PIK3C2A: variants seen among roughly 807,000 people sequenced by gnomAD.
The protein encoded by PIK3C2A is phosphatidylinositol 4-phosphate 3-kinase C2 domain-containing subunit alpha.
A neutral mutation model predicts 204.5 loss-of-function variants in PIK3C2A; 97 were observed. The ratio of observed to expected loss-of-function variants is 0.47; its 90% CI spans 0.40 to 0.56. The LOEUF is 0.56. PIK3C2A is among the 20% of genes least tolerant of loss of function. The pLI is 0.00. For missense variants in PIK3C2A, 1,735 were observed against 1,969.2 expected (o/e 0.88, Z 2.25); for synonymous variants, 653 against 664.4 (o/e 0.98, Z 0.26).
chr11:17,120,125 T>C, intron 15 of PIK3C2A, 151 bp from the exon 16 acceptor site: 1 of 494,018 alleles, frequency 2.0e-6, no homozygotes. Context: ...AAATGCAATG[T>C]ATGGCAAATG....
intron 22 of PIK3C2A, among the ~76,000 whole-genome samples, chr11:17,109,033 C>G (rs752908577): frequency 2.0e-5 from 3 of 152,194 alleles, no homozygotes; most frequent in Non-Finnish European, 4.4e-5. Context: ...AAATCTATAG[C>G]TATCAGAGCT....
intron 2 of PIK3C2A, among the ~76,000 whole-genome samples, chr11:17,163,300 CCT>C (rs1850843172): frequency 1.3e-5 from 2 of 152,104 alleles, no homozygotes; most frequent in Middle Eastern, 3.4e-3. Flanking sequence ...AGAGCGAGAC[CCT>C]GTTTCAAAAA....
chr11:17,170,802 G>C (rs1851130617), intron 1 of PIK3C2A, among the ~76,000 whole-genome samples: 1 of 152,024 alleles, frequency 6.6e-6, no homozygotes. Context: ...CATCACCTTA[G>C]TTTAAGAAGG....
rs61733866 is a variant in PIK3C2A, at chr11:17,136,573, C to T, written c.1757G>A (p.Ser586Asn). 9.7e-3 allele frequency: 15,440 copies of T among 1,595,576 alleles called. 117 individuals are homozygous for T. Among genetic ancestry groups the T allele is most frequent in the Middle Eastern group, 0.021 (125 of 6,010 alleles). Reference protein sequence around the residue: ...QVIKAVRKICSALDGVETLAI... With the variant: ...QVIKAVRKICNALDGVETLAI... ...AAGAGTCTCGACACCATCTAAAGCA[C>T]TACAGATTTTTCTTACAGCTTTAAT... Residue 586 changes from serine (S) to asparagine (N), a missense_variant, in exon 9 of 33, where the codon AGT (serine) becomes AAT (asparagine). This residue lies in a region of PIK3C2A where 106 missense variants were observed against 108.2 expected (regional missense o/e 0.98). Transcript: ENST00000691414.
chr11:17,196,044 A>G (rs1174357942), intron 1 of PIK3C2A, among the ~76,000 whole-genome samples: 4 of 152,160 alleles, frequency 2.6e-5, no homozygotes, highest in Non-Finnish European at 5.9e-5. Flanking sequence ...ATCTCGAAAG[A>G]AAAAAAGAAA....
intron 19 of PIK3C2A, 111 bp downstream of exon 19, chr11:17,117,380 T>TAG (rs1555019709): frequency 1.5e-6 from 1 of 646,360 alleles, no homozygotes; most frequent in Non-Finnish European, 2.7e-6. Context: ...TGGGTATAGT[T>TAG]AGAGTTCTAC....
chr11:17,132,182 C>T, intron 11 of PIK3C2A, 144 bp from the exon 12 acceptor site: 3 of 550,636 alleles, frequency 5.4e-6, no homozygotes, highest in Non-Finnish European at 9.3e-6. Context: ...AGAAGTCCAT[C>T]TGAAATTTAA....
In PIK3C2A at chr11:17,097,141, T is replaced by C. The variant is rs746460891; in HGVS notation, c.4242A>G (p.Lys1414=). The part of the protein sequence containing the change: ...NDEPILSFSP[K]TYSFRQDGRI... ...GACCATCTTGTCTAAAGGAGTATGTTTTAGGTGAAAATGAAAGGATGGGCT... is the reference window on the plus strand; with the variant it reads ...GACCATCTTGTCTAAAGGAGTATGTCTTAGGTGAAAATGAAAGGATGGGCT... Residue 1414 remains lysine, a synonymous_variant, in exon 27 of 33, where the codon AAA becomes AAG. Coordinates refer to ENST00000691414, the MANE Select transcript of PIK3C2A (RefSeq NM_002645.4). 1 of 1,611,240 alleles carries C rather than the reference T, an allele frequency of 6.2e-7. No individual in the cohort carries two copies. Among genetic ancestry groups the C allele is most frequent in the East Asian group, 2.2e-5 (1 of 44,820 alleles).
chr11:17,102,341 G>C (rs1355987964), intron 24 of PIK3C2A, among the ~76,000 whole-genome samples: 1 of 152,018 alleles, frequency 6.6e-6, no homozygotes, highest in Non-Finnish European at 1.5e-5. Context: ...GGAGGCTGAG[G>C]CAGGAGAATG....
chr11:17,206,936 C>G (rs1423736098), intron 1 of PIK3C2A, among the ~76,000 whole-genome samples: 3 of 152,192 alleles, frequency 2.0e-5, no homozygotes, highest in Non-Finnish European at 4.4e-5. Context: ...TCACTTAATT[C>G]AAACCCCCAC....
intron 22 of PIK3C2A, among the ~76,000 whole-genome samples, chr11:17,106,410 C>CA (rs1164491659): frequency 9.3e-5 from 14 of 150,590 alleles, no homozygotes; most frequent in African/African-American, 2.9e-4. Context: ...ACCCTGTCTT[C>CA]AAAAAAAATA....
In PIK3C2A at chr11:17,181,484, G is replaced by A. The variant is rs958447460; in HGVS notation, c.-65-11678C>T. On this transcript the variant is annotated intron_variant, in intron 1 of 32. Transcript: ENST00000691414. ...AGAAAACACACACATATACACACACGTAAGGCGCTGGGTGTGGCATGCCCG... is the reference window on the plus strand; with the variant it reads ...AGAAAACACACACATATACACACACATAAGGCGCTGGGTGTGGCATGCCCG... 5.3e-5 allele frequency among the ~76,000 whole-genome samples: 8 copies of A among 151,450 alleles called. No individual in the cohort carries two copies. The South Asian group carries it at 1.5e-3, about 28-fold the overall frequency.
At chr11:17,148,906 C>A (rs557959119) in intron 4 of PIK3C2A, 119 bp from the exon 5 acceptor site, 16 of 663,128 alleles carry the variant, frequency 2.4e-5, no homozygotes, top group South Asian at 4.2e-5. Flanking sequence ...CAAATGTAGG[C>A]CACATATATA....
chr11:17,157,001 A>G (rs1249604980), intron 2 of PIK3C2A, among the ~76,000 whole-genome samples: 4 of 152,122 alleles, frequency 2.6e-5, no homozygotes, highest in Admixed American at 1.3e-4. Flanking sequence ...TTTTATATCA[A>G]TATAACTCTG....
chr11:17,105,748 C>T (rs562656348), intron 22 of PIK3C2A, among the ~76,000 whole-genome samples: 2 of 152,218 alleles, frequency 1.3e-5, no homozygotes, highest in South Asian at 2.1e-4. Flanking sequence ...TGGCTGCATG[C>T]CTTTTAAAAA....
chr11:17,112,988 C>T (rs1003356940), intron 20 of PIK3C2A, among the ~76,000 whole-genome samples: 1 of 151,924 alleles, frequency 6.6e-6, no homozygotes, highest in Admixed American at 6.6e-5. Context: ...AATGAAATAA[C>T]ACATGAGAAT....
At position 17,114,558 on chromosome 11, in the gene PIK3C2A, C is replaced by T. The variant is rs905642040; in HGVS notation, c.3217-93G>A. 6.0e-5 allele frequency: 38 copies of T among 629,920 alleles called. No homozygotes were observed. In the African/African-American group the frequency reaches 6.2e-4, roughly 10 times the overall value. The allele number at this position is 629,920 out of a possible 1,614,324, so 39.0% of individuals were successfully genotyped here. ...GCTGTGGATACAATTTATAAAATGCCCAGTTGTCAAACGGTGAAAAAAAGG... is the reference window on the plus strand; with the variant it reads ...GCTGTGGATACAATTTATAAAATGCTCAGTTGTCAAACGGTGAAAAAAAGG... On this transcript the variant is annotated intron_variant, in intron 19 of 32. Coordinates refer to ENST00000691414, the MANE Select transcript of PIK3C2A (RefSeq NM_002645.4).
chr11:17,089,838 TC>T lies in PIK3C2A; in HGVS notation c.4960del (p.Glu1654ArgfsTer8). ...LSVLSAESLR[E>X]NFFLGGVTLP... ...GGTTACTCCACCCAAGAAAAAATTC[TC>T]CCGCAGAGATTCTGCACTGAGTACA... is the stretch of plus-strand genomic sequence containing the variant. On this transcript the variant is annotated frameshift_variant, in exon 33 of 33. Coordinates refer to ENST00000691414, the MANE Select transcript of PIK3C2A (RefSeq NM_002645.4). LOFTEE classifies it high-confidence loss of function. The T allele has an allele frequency of 6.2e-7, 1 of 1,613,832 alleles. No individual in the cohort carries two copies.
Position 17,129,378 on chromosome 11 carries a change from C to T in PIK3C2A, c.2321G>A (p.Ser774Asn). ...TCTCTGCTTATTAGAATCAGGGGAA[C>T]TTCCACTGCTCTGATTTAAAATTCC... ...LFGILNQSSG[S>N]SPDSNKQRKG... Residue 774 changes from serine to asparagine, a missense_variant, in exon 13 of 33, where the codon AGT becomes AAT. Ser to Asn is a conservative substitution (Grantham distance 46). Transcript: ENST00000691414. 1 of 1,611,184 alleles carries T rather than the reference C, an allele frequency of 6.2e-7. No homozygotes were observed. Among genetic ancestry groups the T allele is most frequent in the Non-Finnish European group, 8.5e-7 (1 of 1,177,402 alleles).
Sources: gnomAD v4.1 joint callset for allele counts (sites outside exome capture counted in the v4.1 genomes callset) on GRCh38, gnomAD v4.1.1 for gene constraint, gnomAD v4.1.1 regional missense constraint, MANE v1.5 for transcripts, NCBI Gene and HGNC (gene_info 2026-07-23, HGNC 2026-07-21) for gene names.